Variants in NBAS observed in about 807,000 individuals in gnomAD.
NBAS encodes NAG/BC035112 fusion.
Under a neutral mutation model 302.5 loss-of-function variants are expected in NBAS, and 219 were observed. The observed-to-expected ratio is 0.72, with a 90% CI of 0.65 to 0.81. NBAS has a LOEUF of 0.81. Ranked by LOEUF, NBAS falls within the 30% of genes least tolerant of loss-of-function variation. The pLI, the probability that NBAS is intolerant of heterozygous loss-of-function variation, is 0.00. For missense variants in NBAS, 2,932 were observed against 2,841.6 expected (o/e 1.03, Z -0.72); for synonymous variants, 1,118 against 1,021.6 (o/e 1.09, Z -1.80).
chr2:14,903,063 GA>G, the NBAS span, among the ~76,000 whole-genome samples: 3,728 of 145,394 alleles, frequency 0.026, 145 homozygotes, highest in African/African-American at 0.087. Flanking sequence ...TTTGATGAAT[GA>G]AAAAAAAAAA....
At chr2:14,974,498 T>G in the NBAS span, among the ~76,000 whole-genome samples, 5 of 152,214 alleles carry the variant, frequency 3.3e-5, no homozygotes, top group Non-Finnish European at 7.3e-5. Context: ...AGAACAGAGA[T>G]GAGCTAATTG....
the NBAS span, among the ~76,000 whole-genome samples, chr2:15,111,064 GT>G: frequency 6.6e-6 from 1 of 152,118 alleles, no homozygotes; most frequent in African/African-American, 2.4e-5. Context: ...TACTGACTTT[GT>G]GAAATAACTA....
chr2:15,148,415 T>C, the NBAS span, among the ~76,000 whole-genome samples: 1 of 152,120 alleles, frequency 6.6e-6, no homozygotes, highest in African/African-American at 2.4e-5. Flanking sequence ...CAGTCTGGGA[T>C]GTCAAGAAAA....
chr2:15,080,092 C>T, the NBAS span, among the ~76,000 whole-genome samples: 1 of 152,178 alleles, frequency 6.6e-6, no homozygotes, highest in Non-Finnish European at 1.5e-5. Flanking sequence ...ATGAGCCAGA[C>T]CACCTTCCCC....
intron 5 of NBAS, 22 bp from the exon 6 acceptor site, chr2:15,551,558 G>C: frequency 6.3e-7 from 1 of 1,597,864 alleles, no homozygotes; most frequent in African/African-American, 1.3e-5. Context: ...GCAAAATCAA[G>C]GCAAAAGTTT....
chr2:15,332,424 T>C (rs2148239850), intron 35 of NBAS, among the ~76,000 whole-genome samples: 1 of 152,300 alleles, frequency 6.6e-6, no homozygotes, highest in East Asian at 1.9e-4. Flanking sequence ...TAAATGCATT[T>C]ATTCTTACTT....
chr2:15,058,075 C>T, the NBAS span, among the ~76,000 whole-genome samples: 3 of 152,154 alleles, frequency 2.0e-5, no homozygotes, highest in Non-Finnish European at 4.4e-5. Context: ...CCATTTGATC[C>T]AGCAATCCCA....
chr2:15,339,924 G>GA (rs529287712), intron 35 of NBAS, among the ~76,000 whole-genome samples: 5,185 of 136,876 alleles, frequency 0.038, 305 homozygotes, highest in African/African-American at 0.13. Flanking sequence ...TGGCAAAAAG[G>GA]AAAAAAAAAA....
the NBAS span, among the ~76,000 whole-genome samples, chr2:15,073,490 AAT>A: frequency 1.4e-5 from 2 of 144,742 alleles, no homozygotes; most frequent in African/African-American, 2.7e-5. Context: ...AAAAAAAAAA[AAT>A]AAAAAATAAA....
rs2125094671 is a variant in NBAS, at chr2:15,167,291, A to C, written c.6873T>G (p.Leu2291=). 1.2e-6 allele frequency: 2 copies of C among 1,614,234 alleles called. No individual in the cohort carries two copies. The highest frequency in any genetic ancestry group is 4.5e-5 in the East Asian group (2 of 44,890). ...VNDSNCDQEL[L]SLLLDAKLLV... Reference sequence around the variant, plus strand: ...GCAGCTTGGCATCCAGGAGCAGGGAAAGAAGTTCTTGGTCACAATTGGAAT... The same window carrying C: ...GCAGCTTGGCATCCAGGAGCAGGGACAGAAGTTCTTGGTCACAATTGGAAT... The change falls in exon 52 of 52, where the codon CTT becomes CTG. Residue 2291 remains leucine, a synonymous_variant. Coordinates refer to ENST00000281513, the MANE Select transcript of NBAS (RefSeq NM_015909.4).
At chr2:15,185,792 C>G (rs1409246369) in intron 50 of NBAS, among the ~76,000 whole-genome samples, 3 of 151,988 alleles carry the variant, frequency 2.0e-5, no homozygotes, top group South Asian at 2.1e-4. Flanking sequence ...AAAAAAAATC[C>G]AAGCCCTCAT....
intron 48 of NBAS, among the ~76,000 whole-genome samples, chr2:15,215,975 G>C (rs1666633797): frequency 6.6e-6 from 1 of 152,162 alleles, no homozygotes; most frequent in Non-Finnish European, 1.5e-5. Context: ...TCCAGAAGTT[G>C]TTGGTGTTTC....
At chr2:14,907,707 G>A in the NBAS span, 1 of 152,224 alleles carries the variant, frequency 6.6e-6, no homozygotes, top group Non-Finnish European at 1.5e-5. Context: ...TCACATTCTG[G>A]CTTTCAGCCT....
intron 49 of NBAS, among the ~76,000 whole-genome samples, chr2:15,188,009 C>G (rs1665168467): frequency 6.6e-6 from 1 of 152,224 alleles, no homozygotes; most frequent in Admixed American, 6.5e-5. Flanking sequence ...CTTTTCTCCT[C>G]TTGCAAAGTC....
At chr2:15,265,396 G>A (rs1669032756) in intron 44 of NBAS, among the ~76,000 whole-genome samples, 1 of 152,144 alleles carries the variant, frequency 6.6e-6, no homozygotes, top group East Asian at 1.9e-4. Context: ...ACCCTCACAA[G>A]ATGTGTGTGA....
chr2:15,231,505 A>G (rs1667380501), intron 47 of NBAS, among the ~76,000 whole-genome samples: 1 of 152,152 alleles, frequency 6.6e-6, no homozygotes, highest in Non-Finnish European at 1.5e-5. Flanking sequence ...CCTCTCTCTG[A>G]GCTTTTAGGT....
At chr2:14,791,177 G>A in the NBAS span, among the ~76,000 whole-genome samples, 1 of 151,958 alleles carries the variant, frequency 6.6e-6, no homozygotes, top group African/African-American at 2.4e-5. Context: ...TTTCAGTAGA[G>A]ACAGTGTTTC....
At chr2:15,490,209 A>T (rs1192783973) in intron 11 of NBAS, among the ~76,000 whole-genome samples, 2 of 152,316 alleles carry the variant, frequency 1.3e-5, no homozygotes, top group East Asian at 3.9e-4. Flanking sequence ...GCCTCTGTAG[A>T]CATTTAAGTC....
rs73915373 is a variant in NBAS at position 15,552,142 on chromosome 2, G to A, written c.336-606C>T. 9.6e-3 allele frequency among the ~76,000 whole-genome samples: 1,459 copies of A among 152,216 alleles called. 31 individuals carry two copies. Among genetic ancestry groups the A allele is most frequent in the African/African-American group, 0.033 (1,389 of 41,522 alleles). On this transcript the variant is annotated intron_variant, in intron 5 of 51. Coordinates refer to ENST00000281513, the MANE Select transcript of NBAS (RefSeq NM_015909.4). ...AATAACAATTATCCAAAACCTTCAT[G>A]TCTGTAGCATTTGACCTAACAATTC... is the stretch of plus-strand genomic sequence containing the variant.
Sources: gnomAD v4.1 joint callset for allele counts (sites outside exome capture counted in the v4.1 genomes callset) on GRCh38, gnomAD v4.1.1 for gene constraint, MANE v1.5 for transcripts, NCBI Gene and HGNC (gene_info 2026-07-23, HGNC 2026-07-21) for gene names.